The following ARHGAP42 variants were observed in gnomAD, a reference collection of about 807,000 sequenced individuals.
ARHGAP42 encodes the protein rho GTPase-activating protein 42.
Under a neutral mutation model 125.0 loss-of-function variants are expected in ARHGAP42, and 63 were observed. The observed-to-expected ratio is 0.50, with a 90% CI of 0.41 to 0.62. ARHGAP42 has a LOEUF of 0.62. ARHGAP42 is among the 20% of genes least tolerant of loss of function. The pLI, the probability that ARHGAP42 is intolerant of heterozygous loss-of-function variation, is 0.00. For synonymous variants in ARHGAP42, 339 were observed against 351.0 expected, an observed-to-expected ratio of 0.97 and a Z score of 0.38; for missense variants, 766 against 1,024.2, an observed-to-expected ratio of 0.75 and a Z score of 3.44.
In ARHGAP42 at chr11:100,821,234, G is replaced by A. The variant is rs138945700; in HGVS notation, c.312+26068G>A. Among the ~76,000 whole-genome samples, 277 of 152,226 alleles carry A rather than the reference G, an allele frequency of 1.8e-3. 1 individual carries two copies. The highest frequency in any genetic ancestry group is 6.5e-3 in the African/African-American group (268 of 41,544). Reference sequence around the variant, plus strand: ...AAACCTTTGTTACCAGGACTGGATAGAATTCTGGTTTGGAAAAAGCAAGTA... The same window carrying A: ...AAACCTTTGTTACCAGGACTGGATAAAATTCTGGTTTGGAAAAAGCAAGTA... On this transcript the variant is annotated intron_variant, in intron 3 of 23. Coordinates refer to ENST00000298815, the MANE Select transcript of ARHGAP42 (RefSeq NM_152432.4).
chr11:100,802,196 C>T (rs577210519), intron 3 of ARHGAP42, among the ~76,000 whole-genome samples: 4 of 152,246 alleles, frequency 2.6e-5, no homozygotes, highest in South Asian at 2.1e-4. Context: ...GCCACCATTT[C>T]GTCTTAGGCT....
At chr11:100,890,783 C>T (rs1866197850) in intron 4 of ARHGAP42, among the ~76,000 whole-genome samples, 1 of 152,290 alleles carries the variant, frequency 6.6e-6, no homozygotes, top group Non-Finnish European at 1.5e-5. Flanking sequence ...AGGTTTTATT[C>T]TCACATAGTC....
At chr11:100,886,937 T>C (rs1473507756) in intron 4 of ARHGAP42, among the ~76,000 whole-genome samples, 2 of 152,166 alleles carry the variant, frequency 1.3e-5, no homozygotes, top group African/African-American at 4.8e-5. Flanking sequence ...CTAGAAATTA[T>C]GAAGAACTAA....
intron 3 of ARHGAP42, among the ~76,000 whole-genome samples, chr11:100,835,612 C>T (rs1168713631): frequency 2.0e-5 from 3 of 152,098 alleles, no homozygotes; most frequent in South Asian, 2.1e-4. Flanking sequence ...GTTATCACAT[C>T]GTAACTATAT....
At chr11:100,818,580 A>C (rs946335949) in intron 3 of ARHGAP42, among the ~76,000 whole-genome samples, 2 of 151,956 alleles carry the variant, frequency 1.3e-5, no homozygotes, top group African/African-American at 4.8e-5. Flanking sequence ...TGCCAGGGAG[A>C]AAGGACTGTT....
chr11:100,749,043 CCTCTCCCAGCGGCTTATGCT>C (rs1862376108), intron 1 of ARHGAP42, among the ~76,000 whole-genome samples: 1 of 152,048 alleles, frequency 6.6e-6, no homozygotes, highest in Non-Finnish European at 1.5e-5. Context: ...TCTTTCTCTG[CCTCTCCCAGCGGCTTATGCT>C]GCTGTTCTCC....
At chr11:100,913,293 C>T (rs763718900) in intron 4 of ARHGAP42, among the ~76,000 whole-genome samples, 159 bp from the exon 5 acceptor site, 4 of 152,140 alleles carry the variant, frequency 2.6e-5, no homozygotes, top group Non-Finnish European at 4.4e-5. Flanking sequence ...GCTTGTTTCA[C>T]TTACATCTTC....
rs930026115 is a variant in ARHGAP42 at position 100,990,872 on chromosome 11, C to G, written c.*2071C>G. 1.3e-5 allele frequency: 2 copies of G among 152,392 alleles called. No individual in the cohort carries two copies. The highest frequency in any genetic ancestry group is 4.8e-5 in the African/African-American group (2 of 41,466). The allele number at this position is 152,392 out of a possible 1,614,324, so 9.4% of individuals were successfully genotyped here. The stretch of plus-strand genomic sequence containing the variant: ...CTCCAAAGAGAGATTCAGAATCCTA[C>G]TTCTCCTGCTGCTGCATAAAGAATC... On this transcript the variant is annotated 3_prime_UTR_variant, in exon 24 of 24. Transcript: ENST00000298815.
In ARHGAP42 at chr11:100,736,828, G is replaced by T. The variant is rs538448080; in HGVS notation, c.155-33515G>T. Among the ~76,000 whole-genome samples, 112 of 152,260 alleles carry T rather than the reference G, an allele frequency of 7.4e-4. No individual in the cohort carries two copies. The South Asian group carries it at 0.011, about 15-fold the overall frequency. ...TGTCTTCTGTTAAGAAAGAAAAAAA[G>T]GACAGGAGAAGCACATTATTCTGGA... On this transcript the variant is annotated intron_variant, in intron 1 of 23. Coordinates refer to ENST00000298815, the MANE Select transcript of ARHGAP42 (RefSeq NM_152432.4).
At chr11:100,903,009 C>G (rs544527569) in intron 4 of ARHGAP42, among the ~76,000 whole-genome samples, 2 of 152,130 alleles carry the variant, frequency 1.3e-5, no homozygotes, top group Admixed American at 6.5e-5. Flanking sequence ...GGTAGAGCAG[C>G]TGGCTGGCTC....
At chr11:100,946,776 A>G (rs188242474) in intron 10 of ARHGAP42, among the ~76,000 whole-genome samples, 13 of 152,178 alleles carry the variant, frequency 8.5e-5, no homozygotes, top group African/African-American at 2.9e-4. Context: ...AACAATGAAA[A>G]ATTCCAAATA....
At chr11:100,884,540 A>G (rs1160461896) in intron 4 of ARHGAP42, among the ~76,000 whole-genome samples, 2 of 152,216 alleles carry the variant, frequency 1.3e-5, no homozygotes, top group Non-Finnish European at 2.9e-5. Context: ...GCAAATTGGT[A>G]CAAAATGATA....
In ARHGAP42 at chr11:100,976,451, G is replaced by C. The variant is rs1201568826; in HGVS notation, c.2236+14G>C. 2 of 1,502,522 alleles carry C rather than the reference G, an allele frequency of 1.3e-6. No homozygotes were observed. The highest frequency in any genetic ancestry group is 2.5e-5 in the Admixed American group (1 of 40,508). 93.1% of individuals were successfully genotyped at this position (1,502,522 alleles called of 1,614,324 possible). ...CTGCAGCTGAAGGTAAGGCAGAGTG[G>C]AACTTGTGCAAGATGTCATTGTCTC... On this transcript the variant is annotated intron_variant, in intron 20 of 23. Transcript: ENST00000298815.
At chr11:100,812,082 T>C (rs76169825) in intron 3 of ARHGAP42, among the ~76,000 whole-genome samples, 5,399 of 152,228 alleles carry the variant, frequency 0.035, 96 homozygotes, top group African/African-American at 0.069. Context: ...ATTACAGATA[T>C]GAGCCACCGT....
In ARHGAP42 at chr11:100,941,878, G is replaced by A. The variant is rs1218071461; in HGVS notation, c.927G>A (p.Gly309=). The change falls in exon 9 of 24, where the codon GGG becomes GGA. Residue 309 remains glycine, a synonymous_variant. Transcript: ENST00000298815. ...GTGTTTCAGAAATGAAATCCAGTGGGAAAATGGTGAGTTAGTTTTGTTTTC... is the reference window on the plus strand; with the variant it reads ...GTGTTTCAGAAATGAAATCCAGTGGAAAAATGGTGAGTTAGTTTTGTTTTC... ...TMSVSEMKSS[G]KMNGLVTSSP... The A allele has an allele frequency of 2.0e-5, 30 of 1,524,448 alleles. No homozygotes were observed. The highest frequency in any genetic ancestry group is 2.4e-5 in the Non-Finnish European group (27 of 1,133,680). 94.4% of individuals were successfully genotyped at this position (1,524,448 alleles called of 1,614,324 possible).
chr11:100,868,170 T>C (rs1329100919), intron 4 of ARHGAP42, among the ~76,000 whole-genome samples: 1 of 152,130 alleles, frequency 6.6e-6, no homozygotes, highest in Non-Finnish European at 1.5e-5. Context: ...TTTAAAAAAA[T>C]GGCACTAATA....
chr11:100,959,731 A>G, intron 12 of ARHGAP42, 152 bp from the exon 13 acceptor site: 1 of 647,626 alleles, frequency 1.5e-6, no homozygotes, highest in Non-Finnish European at 2.7e-6. Flanking sequence ...CTTCTACCCC[A>G]AAATAAAAAG....
intron 12 of ARHGAP42, among the ~76,000 whole-genome samples, chr11:100,956,788 G>A (rs1857815667): frequency 6.6e-6 from 1 of 152,028 alleles, no homozygotes; most frequent in Admixed American, 6.6e-5. Flanking sequence ...GGCCTGCCTG[G>A]TTTATGCCTG....
intron 3 of ARHGAP42, among the ~76,000 whole-genome samples, chr11:100,803,662 A>C (rs1591193837): frequency 6.6e-6 from 1 of 152,144 alleles, no homozygotes; most frequent in East Asian, 1.9e-4. Flanking sequence ...AGAAGGTCCA[A>C]ATTATCTGGT....
Sources: allele counts gnomAD v4.1 joint callset (sites outside exome capture counted in the v4.1 genomes callset), GRCh38; gene constraint gnomAD v4.1.1; transcripts MANE v1.5; gene names NCBI Gene and HGNC (gene_info 2026-07-23, HGNC 2026-07-21).